The following ANKS1B variants were observed in gnomAD, a reference collection of about 807,000 sequenced individuals.
ANKS1B encodes ankyrin repeat and sterile alpha motif domain containing 1B, also known as ankyrin repeat and sterile alpha motif domain-containing protein 1B.
Under a neutral mutation model 148.3 loss-of-function variants are expected in ANKS1B, and 36 were observed. The observed-to-expected ratio is 0.24, with a 90% CI of 0.19 to 0.32. ANKS1B has a LOEUF of 0.32. ANKS1B is among the 10% of genes least tolerant of loss of function. The pLI is 1.00. For synonymous variants in ANKS1B, 542 were observed against 560.8 expected (o/e 0.97, Z 0.47); for missense variants, 1,157 against 1,542.6 (o/e 0.75, Z 4.19).
At chr12:99,273,701 G>T (rs552271502) in intron 12 of ANKS1B, among the ~76,000 whole-genome samples, 9 of 150,022 alleles carry the variant, frequency 6.0e-5, no homozygotes, top group Non-Finnish European at 8.9e-5. Context: ...CTGAGCCTCC[G>T]GAGTAGCTGG....
intron 16 of ANKS1B, among the ~76,000 whole-genome samples, chr12:99,067,601 T>C (rs2044779904): frequency 1.3e-5 from 2 of 152,168 alleles, no homozygotes; most frequent in Non-Finnish European, 2.9e-5. Context: ...TAGTTAACAG[T>C]GCACATGTGA....
chr12:99,355,124 A>G (rs1291990451), intron 12 of ANKS1B, among the ~76,000 whole-genome samples: 4 of 152,120 alleles, frequency 2.6e-5, no homozygotes, highest in Non-Finnish European at 4.4e-5. Flanking sequence ...TAAAACATTT[A>G]TCTCAAAATC....
At chr12:99,812,970 TA>T (rs2068619628) in intron 2 of ANKS1B, among the ~76,000 whole-genome samples, 1 of 151,662 alleles carries the variant, frequency 6.6e-6, no homozygotes, top group African/African-American at 2.4e-5. Context: ...AAAATAATAA[TA>T]AAAAAATTTT....
At chr12:98,840,578 C>A (rs2099400415) in intron 17 of ANKS1B, among the ~76,000 whole-genome samples, 1 of 152,090 alleles carries the variant, frequency 6.6e-6, no homozygotes, top group African/African-American at 2.4e-5. Flanking sequence ...ATCATCTTTG[C>A]ATGGAAAGAG....
At chr12:99,572,647 A>G (rs1255007640) in intron 9 of ANKS1B, among the ~76,000 whole-genome samples, 2 of 152,124 alleles carry the variant, frequency 1.3e-5, no homozygotes, top group Non-Finnish European at 2.9e-5. Context: ...ACTTTAGGCT[A>G]GTGAGATAAA....
At chr12:99,453,251 C>T (rs976236552) in intron 10 of ANKS1B, among the ~76,000 whole-genome samples, 4 of 152,136 alleles carry the variant, frequency 2.6e-5, no homozygotes, top group African/African-American at 9.6e-5. Flanking sequence ...GATTGCACCA[C>T]TGCACTCCAG....
chr12:99,882,386 T>C (rs926186448), intron 1 of ANKS1B, among the ~76,000 whole-genome samples: 11 of 152,002 alleles, frequency 7.2e-5, no homozygotes, highest in African/African-American at 2.7e-4. Context: ...ATTTGCCAAA[T>C]GACATAAACC....
chr12:98,809,952 C>A (rs913637489), intron 19 of ANKS1B, among the ~76,000 whole-genome samples: 1 of 152,184 alleles, frequency 6.6e-6, no homozygotes, highest in African/African-American at 2.4e-5. Flanking sequence ...AAATTATCAA[C>A]AGGACCCGAG....
At chr12:99,637,944 G>T (rs1351112194) in intron 9 of ANKS1B, among the ~76,000 whole-genome samples, 1 of 151,826 alleles carries the variant, frequency 6.6e-6, no homozygotes, top group East Asian at 1.9e-4. Flanking sequence ...TCATGGGAGG[G>T]ACCTGGTGGG....
Position 99,406,847 on chromosome 12 carries a change from G to A in ANKS1B, c.1576-7036C>T, listed in dbSNP as rs926600562. Among the ~76,000 whole-genome samples the A allele has an allele frequency of 2.7e-5, 4 of 145,944 alleles. 1 individual carries two copies. Among genetic ancestry groups the A allele is most frequent in the African/African-American group, 1.0e-4 (4 of 38,536 alleles). ...AGACAACGTTACAACTGATGCCACA[G>A]AAATTCAAAGGATCATTAGAGGCTC... is the stretch of plus-strand genomic sequence containing the variant. On this transcript the variant is annotated intron_variant, in intron 11 of 26. Transcript: ENST00000683438.
intron 10 of ANKS1B, among the ~76,000 whole-genome samples, chr12:99,475,459 A>G (rs569542659): frequency 3.3e-5 from 5 of 151,932 alleles, no homozygotes; most frequent in African/African-American, 9.6e-5. Flanking sequence ...CTACTAAGAA[A>G]TTCATAGAAA....
At chr12:99,561,225 A>G (rs1331578044) in intron 9 of ANKS1B, among the ~76,000 whole-genome samples, 1 of 151,926 alleles carries the variant, frequency 6.6e-6, no homozygotes, top group Non-Finnish European at 1.5e-5. Context: ...CTTCTATAGC[A>G]TGTGATGCTG....
intron 1 of ANKS1B, among the ~76,000 whole-genome samples, chr12:99,969,933 G>A (rs1221619499): frequency 6.6e-6 from 1 of 152,080 alleles, no homozygotes; most frequent in African/African-American, 2.4e-5. Flanking sequence ...AAATAAAAAT[G>A]GGGAAGACAT....
chr12:98,814,732 C>T (rs1208075453), intron 19 of ANKS1B, among the ~76,000 whole-genome samples: 1 of 152,158 alleles, frequency 6.6e-6, no homozygotes, highest in Non-Finnish European at 1.5e-5. Context: ...TGCAAAGCCT[C>T]ATTTAGTTTT....
intron 14 of ANKS1B, among the ~76,000 whole-genome samples, chr12:99,198,320 A>G (rs2081631306): frequency 6.6e-6 from 1 of 152,212 alleles, no homozygotes; most frequent in Non-Finnish European, 1.5e-5. Flanking sequence ...TTGTGTATGC[A>G]TGAAAAATCA....
At chr12:98,824,452 C>A (rs767025270) in intron 19 of ANKS1B, among the ~76,000 whole-genome samples, 1 of 152,180 alleles carries the variant, frequency 6.6e-6, no homozygotes, top group Non-Finnish European at 1.5e-5. Flanking sequence ...GAATTAGGGA[C>A]TGACAGGTGA....
intron 9 of ANKS1B, among the ~76,000 whole-genome samples, chr12:99,509,987 T>A (rs1214274290): frequency 6.6e-6 from 1 of 152,038 alleles, no homozygotes; most frequent in Admixed American, 6.6e-5. Flanking sequence ...CTATGCTCTA[T>A]AAATGAAACA....
chr12:98,988,278 C>T (rs1481919574), intron 17 of ANKS1B, among the ~76,000 whole-genome samples: 4 of 152,124 alleles, frequency 2.6e-5, no homozygotes, highest in Non-Finnish European at 4.4e-5. Context: ...ATCACCTTAT[C>T]CCCTAGTAAT....
At chr12:99,716,774 G>T (rs1397282874) in intron 8 of ANKS1B, among the ~76,000 whole-genome samples, 1 of 151,960 alleles carries the variant, frequency 6.6e-6, no homozygotes, top group Non-Finnish European at 1.5e-5. Context: ...TGTCCCCTCA[G>T]TCCCAACCCC....
Sources: gnomAD v4.1 joint callset for allele counts (sites outside exome capture counted in the v4.1 genomes callset) on GRCh38, gnomAD v4.1.1 for gene constraint, MANE v1.5 for transcripts, NCBI Gene and HGNC (gene_info 2026-07-23, HGNC 2026-07-21) for gene names.